CERS6: variants seen among roughly 807,000 people sequenced by gnomAD.
CERS6 encodes LAG1 homolog, ceramide synthase 6.
Under a neutral mutation model 56.8 loss-of-function variants are expected in CERS6, and 26 were observed. That is an observed-to-expected ratio of 0.46 (90% CI 0.34 to 0.63). The LOEUF is 0.63. CERS6 is among the 30% of genes least tolerant of loss of function. CERS6 has a pLI of 0.01. For missense variants in CERS6, 415 were observed against 467.5 expected, an observed-to-expected ratio of 0.89 and a Z score of 1.04; for synonymous variants, 164 against 173.3, an observed-to-expected ratio of 0.95 and a Z score of 0.42.
chr2:168,456,395 G>A lies in CERS6; in HGVS notation c.-54G>A, dbSNP rs565767611. ...GCGCGCATCCCCGGGCGCCCTGCGCGGTGGAGAGCTTGGCGGGCTGCGGGT... is the reference window on the plus strand; with the variant it reads ...GCGCGCATCCCCGGGCGCCCTGCGCAGTGGAGAGCTTGGCGGGCTGCGGGT... On this transcript the variant is annotated 5_prime_UTR_variant, in exon 1 of 10. Coordinates refer to ENST00000305747, the MANE Select transcript of CERS6 (RefSeq NM_203463.3). The surrounding 1 kb of genome is among the most constrained non-coding windows in gnomAD (Gnocchi z 4.1). The A allele has an allele frequency of 9.7e-5, 141 of 1,452,758 alleles. No individual in the cohort carries two copies. The highest frequency in any genetic ancestry group is 8.4e-4 in the African/African-American group (58 of 68,748). 90.0% of individuals were successfully genotyped at this position (1,452,758 alleles called of 1,614,324 possible). A position where few individuals can be genotyped will look rare whatever the true frequency, so the allele number is the denominator to read the frequency against.
intron 8 of CERS6, among the ~76,000 whole-genome samples, chr2:168,742,103 G>A (rs1183956214): frequency 6.6e-6 from 1 of 152,186 alleles, no homozygotes; most frequent in Non-Finnish European, 1.5e-5. Flanking sequence ...CATTTCATTG[G>A]TGTTGCAGTT....
intron 6 of CERS6, among the ~76,000 whole-genome samples, chr2:168,708,229 C>T (rs954426338): frequency 7.2e-5 from 11 of 152,046 alleles, no homozygotes; most frequent in African/African-American, 2.7e-4. Flanking sequence ...TTTATTCATT[C>T]TAAAATGGAG....
At chr2:168,520,843 C>G (rs941108355) in intron 1 of CERS6, among the ~76,000 whole-genome samples, 1 of 151,820 alleles carries the variant, frequency 6.6e-6, no homozygotes, top group Admixed American at 6.6e-5. Context: ...CTCCTGACCT[C>G]AAGTGATCTG....
intron 2 of CERS6, among the ~76,000 whole-genome samples, chr2:168,549,949 G>C (rs988801479): frequency 6.6e-6 from 1 of 152,072 alleles, no homozygotes; most frequent in Non-Finnish European, 1.5e-5. Flanking sequence ...ACCACGGTTT[G>C]AGCTGCCTTT....
At chr2:168,625,842 C>T (rs766861308) in intron 3 of CERS6, among the ~76,000 whole-genome samples, 5 of 152,096 alleles carry the variant, frequency 3.3e-5, no homozygotes, top group East Asian at 1.9e-4. Context: ...TGAAAAGAAG[C>T]GTCTTTTCGG....
At chr2:168,706,423 T>C (rs1395699832) in intron 6 of CERS6, among the ~76,000 whole-genome samples, 1 of 152,222 alleles carries the variant, frequency 6.6e-6, no homozygotes, top group Non-Finnish European at 1.5e-5. Context: ...AGGAGAAAGA[T>C]TGGGTAAACT....
At chr2:168,492,253 C>G (rs943607659) in intron 1 of CERS6, among the ~76,000 whole-genome samples, 1 of 152,182 alleles carries the variant, frequency 6.6e-6, no homozygotes, top group African/African-American at 2.4e-5. Flanking sequence ...AAAAGCATTC[C>G]TATTCGTCCA....
In CERS6 at chr2:168,456,974, C is replaced by T. The variant is rs1693678639; in HGVS notation, c.170+356C>T. Among the ~76,000 whole-genome samples, 1 of 152,208 alleles carries T rather than the reference C, an allele frequency of 6.6e-6. No homozygotes were observed. On this transcript the variant is annotated intron_variant, in intron 1 of 9. Coordinates refer to ENST00000305747, the MANE Select transcript of CERS6 (RefSeq NM_203463.3). This position sits in a 1 kb window ranked among gnomAD's most constrained non-coding sequence, Gnocchi z 4.1. ...TTCCGCGGGGCTCGCCCCTCTCCGC[C>T]GGCGCGCCACGCAAGGCTGCCAGGC...
At chr2:168,701,261 G>T (rs1045040487) in intron 6 of CERS6, among the ~76,000 whole-genome samples, 8 of 152,202 alleles carry the variant, frequency 5.3e-5, no homozygotes, top group African/African-American at 1.9e-4. Context: ...GACTGGCACA[G>T]ATGTTAATAA....
intron 1 of CERS6, among the ~76,000 whole-genome samples, chr2:168,540,166 T>C (rs903384117): frequency 1.5e-4 from 23 of 152,206 alleles, no homozygotes; most frequent in South Asian, 4.1e-4. Context: ...TTTTTTTTTT[T>C]CCGCTTCCAG....
At chr2:168,545,528 A>G (rs1166153202) in intron 1 of CERS6, among the ~76,000 whole-genome samples, 1 of 150,538 alleles carries the variant, frequency 6.6e-6, no homozygotes, top group Admixed American at 6.6e-5. Context: ...TTTTTGGCTG[A>G]TAACAGAGGT....
chr2:168,748,579 G>A (rs576457278), intron 8 of CERS6, among the ~76,000 whole-genome samples: 3 of 152,144 alleles, frequency 2.0e-5, no homozygotes, highest in Non-Finnish European at 4.4e-5. Context: ...TGGCTGGCCT[G>A]GGGACTGCTT....
chr2:168,535,365 T>C (rs1695241371), intron 1 of CERS6, among the ~76,000 whole-genome samples: 1 of 152,190 alleles, frequency 6.6e-6, no homozygotes, highest in African/African-American at 2.4e-5. Context: ...TTCTGATCCA[T>C]GGGTTGCACC....
chr2:168,568,704 G>A (rs1695927025), intron 3 of CERS6, among the ~76,000 whole-genome samples: 1 of 152,200 alleles, frequency 6.6e-6, no homozygotes. Context: ...GCTGTAGAAA[G>A]GTTATGTTTT....
At chr2:168,548,697 G>A (rs1426260335) in intron 2 of CERS6, among the ~76,000 whole-genome samples, 2 of 152,016 alleles carry the variant, frequency 1.3e-5, no homozygotes, top group East Asian at 1.9e-4. Context: ...TAGCTATCTC[G>A]TCTTACAACT....
At chr2:168,618,939 G>A (rs1448242115) in intron 3 of CERS6, among the ~76,000 whole-genome samples, 2 of 151,886 alleles carry the variant, frequency 1.3e-5, no homozygotes, top group Admixed American at 1.3e-4. Flanking sequence ...CTATGCAAAA[G>A]AACAAATCTG....
chr2:168,599,867 G>T (rs1419637195), intron 3 of CERS6, among the ~76,000 whole-genome samples: 2 of 152,156 alleles, frequency 1.3e-5, no homozygotes, highest in Non-Finnish European at 2.9e-5. Context: ...TGAGCTATTT[G>T]CCTTCAAGGA....
At chr2:168,765,476 C>T in intron 8 of CERS6, 116 bp from the exon 9 acceptor site, 1 of 1,018,626 alleles carries the variant, frequency 9.8e-7, no homozygotes, top group Non-Finnish European at 1.4e-6. Context: ...ACCATCCTGC[C>T]AGAGAGGGGG....
At chr2:168,616,128 C>T (rs1405870668) in intron 3 of CERS6, among the ~76,000 whole-genome samples, 1 of 152,114 alleles carries the variant, frequency 6.6e-6, no homozygotes, top group Non-Finnish European at 1.5e-5. Flanking sequence ...CTAAGCTTCA[C>T]AAATGAAGGA....
Sources: gnomAD v4.1 joint callset for allele counts (sites outside exome capture counted in the v4.1 genomes callset) on GRCh38, gnomAD v4.1.1 for gene constraint, Gnocchi (gnomAD v3.1) non-coding constraint, MANE v1.5 for transcripts, NCBI Gene and HGNC (gene_info 2026-07-23, HGNC 2026-07-21) for gene names.